TSPAN15: variants seen among roughly 807,000 people sequenced by gnomAD.
The protein encoded by TSPAN15 is tetraspanin 15.
Under a neutral mutation model 34.5 loss-of-function variants are expected in TSPAN15, and 20 were observed. The observed-to-expected ratio is 0.58, with a 90% CI of 0.41 to 0.84. TSPAN15 has a LOEUF of 0.84. Among genes scored for constraint, TSPAN15 ranks in the 40% least tolerant of loss-of-function variants. TSPAN15 has a pLI of 0.00. For synonymous variants in TSPAN15, 155 were observed against 153.9 expected (o/e 1.01, Z -0.05); for missense variants, 313 against 386.1 (o/e 0.81, Z 1.59).
intron 1 of TSPAN15, among the ~76,000 whole-genome samples, chr10:69,483,475 C>T (rs757941411): frequency 1.4e-4 from 22 of 152,186 alleles, no homozygotes; most frequent in Non-Finnish European, 2.6e-4. Flanking sequence ...TTTAAGGGCC[C>T]TGTCTCCAAA....
chr10:69,530,818 CTCTATATATAT>C, the TSPAN15 span, among the ~76,000 whole-genome samples: 15 of 42,562 alleles, frequency 3.5e-4, no homozygotes, highest in African/African-American at 1.2e-3. Context: ...CTCTCTCTCT[CTCTATATATAT>C]ATATATATAT....
At chr10:69,497,758 CA>C (rs1842117617) in intron 4 of TSPAN15, among the ~76,000 whole-genome samples, 1 of 152,040 alleles carries the variant, frequency 6.6e-6, no homozygotes, top group Non-Finnish European at 1.5e-5. Flanking sequence ...GGAGGGGAGG[CA>C]GGGAGGGGCT....
the TSPAN15 span, among the ~76,000 whole-genome samples, chr10:69,513,771 G>A: frequency 6.6e-6 from 1 of 152,170 alleles, no homozygotes; most frequent in Non-Finnish European, 1.5e-5. Flanking sequence ...TACAAAGTAC[G>A]CATCAAAGTT....
the TSPAN15 span, among the ~76,000 whole-genome samples, chr10:69,532,411 CA>C: frequency 6.6e-6 from 1 of 152,090 alleles, no homozygotes; most frequent in Non-Finnish European, 1.5e-5. Context: ...ACAAAGCAAA[CA>C]AAAACATAAC....
At chr10:69,455,606 T>TTCTTTCTC (rs1446715664) in intron 1 of TSPAN15, among the ~76,000 whole-genome samples, 1 of 110,964 alleles carries the variant, frequency 9.0e-6, no homozygotes, top group African/African-American at 3.6e-5. Context: ...CTTTCTTTCT[T>TTCTTTCTC]TCTCTCTCTC....
At chr10:69,461,644 A>G (rs1305850265) in intron 1 of TSPAN15, among the ~76,000 whole-genome samples, 1 of 151,710 alleles carries the variant, frequency 6.6e-6, no homozygotes, top group African/African-American at 2.4e-5. Flanking sequence ...ATTTCTGGGC[A>G]CTCACTGTGT....
chr10:69,488,148 C>G (rs1329883364), intron 3 of TSPAN15, among the ~76,000 whole-genome samples: 1 of 152,178 alleles, frequency 6.6e-6, no homozygotes, highest in East Asian at 1.9e-4. Flanking sequence ...TTCTCCTCCC[C>G]TTTATATTTT....
At chr10:69,536,647 T>C in the TSPAN15 span, among the ~76,000 whole-genome samples, 1 of 152,140 alleles carries the variant, frequency 6.6e-6, no homozygotes, top group African/African-American at 2.4e-5. Context: ...CTGTGTCCTT[T>C]TCTCTGTACA....
intron 1 of TSPAN15, among the ~76,000 whole-genome samples, chr10:69,482,640 G>A (rs77070957): frequency 0.021 from 3,204 of 152,280 alleles, 122 homozygotes; most frequent in African/African-American, 0.071. Flanking sequence ...CGCGAAAGCC[G>A]TGGTGTGAGC....
At chr10:69,543,575 G>T in the TSPAN15 span, among the ~76,000 whole-genome samples, 1 of 152,170 alleles carries the variant, frequency 6.6e-6, no homozygotes, top group Admixed American at 6.5e-5. Flanking sequence ...TGTAGGTGGG[G>T]AGGGAAGGGC....
intron 3 of TSPAN15, chr10:69,494,750 C>T (rs889508642): frequency 2.2e-5 from 22 of 985,280 alleles, no homozygotes; most frequent in African/African-American, 3.5e-5. Flanking sequence ...GCACCGGAGC[C>T]GAGAATGCCC....
chr10:69,473,768 A>G (rs1485851014), intron 1 of TSPAN15, among the ~76,000 whole-genome samples: 4 of 152,130 alleles, frequency 2.6e-5, no homozygotes, highest in South Asian at 2.1e-4. Context: ...CTTTGGAGAC[A>G]TGAGCCCTTG....
At chr10:69,517,888 A>G in the TSPAN15 span, among the ~76,000 whole-genome samples, 1 of 152,158 alleles carries the variant, frequency 6.6e-6, no homozygotes, top group Non-Finnish European at 1.5e-5. Flanking sequence ...GGCCCATGGG[A>G]AAGGGGGTAG....
chr10:69,508,093 A>C (rs1236904), downstream of TSPAN15, among the ~76,000 whole-genome samples: 63,537 of 152,008 alleles, frequency 0.42, 14,256 homozygotes, highest in African/African-American at 0.58. Flanking sequence ...CCTTCGGGCC[A>C]GAAGACATGG....
chr10:69,496,496 AG>A (rs1270425088), intron 4 of TSPAN15, among the ~76,000 whole-genome samples: 1 of 152,120 alleles, frequency 6.6e-6, no homozygotes, highest in East Asian at 1.9e-4. Flanking sequence ...CGTCGTCATG[AG>A]GATTACCTTG....
At chr10:69,515,483 C>T in the TSPAN15 span, among the ~76,000 whole-genome samples, 19 of 152,278 alleles carry the variant, frequency 1.2e-4, no homozygotes, top group African/African-American at 3.4e-4. Context: ...CATTTCAATT[C>T]GGTGTGTGGA....
Position 69,495,489 on chromosome 10 carries a change from G to T in TSPAN15, c.358-105G>T, listed in dbSNP as rs533921641. On this transcript the variant is annotated intron_variant, in intron 3 of 7. Transcript: ENST00000373290. ...GCTCCATGCTGGCTGGGCGCGAGCT[G>T]CATTGGCACAAGGCATTCTCTACCC... 39 of 813,568 alleles carry T rather than the reference G, an allele frequency of 4.8e-5. 1 individual carries two copies. In the South Asian group the frequency reaches 5.5e-4, roughly 12 times the overall value. 50.4% of individuals were successfully genotyped at this position (813,568 alleles called of 1,614,324 possible).
chr10:69,504,444 G>C lies in TSPAN15; in HGVS notation c.577G>C (p.Val193Leu). 6.2e-7 allele frequency: 1 copy of C among 1,613,982 alleles called. No individual in the cohort carries two copies. Residue 193 changes from valine (V) to leucine (L), a missense_variant, in exon 6 of 8, where the codon GTT becomes CTT. Transcript: ENST00000373290. ...TTATACATTTCCATTTCAGACAGAAGTTGTCAACACCATGTGTGGCTACAA... is the reference window on the plus strand; with the variant it reads ...TTATACATTTCCATTTCAGACAGAACTTGTCAACACCATGTGTGGCTACAA... ...YTCCIRNTTEVVNTMCGYKTI... is the reference protein window; with the variant it reads ...YTCCIRNTTELVNTMCGYKTI...
chr10:69,520,430 A>G, the TSPAN15 span, among the ~76,000 whole-genome samples: 1 of 152,172 alleles, frequency 6.6e-6, no homozygotes, highest in East Asian at 1.9e-4. Flanking sequence ...CAGAGGCAGA[A>G]GCAGGTCGCT....
Sources: allele counts gnomAD v4.1 joint callset (sites outside exome capture counted in the v4.1 genomes callset), GRCh38; gene constraint gnomAD v4.1.1; transcripts MANE v1.5; gene names NCBI Gene and HGNC (gene_info 2026-07-23, HGNC 2026-07-21).